Variants in SPRYD4 observed in about 807,000 individuals in gnomAD.
The protein encoded by SPRYD4 is SPRY domain-containing protein 4.
Under a neutral mutation model 16.6 loss-of-function variants are expected in SPRYD4, and 12 were observed. The observed-to-expected ratio is 0.72, with a 90% CI of 0.46 to 1.17. The LOEUF is 1.17. SPRYD4 is among the 50% of genes most tolerant of loss of function. The probability of loss-of-function intolerance (pLI) is 0.00; values close to 1 mark genes in which losing one functional copy is unlikely to be tolerated. For missense variants in SPRYD4, 260 were observed against 260.2 expected, an observed-to-expected ratio of 1.00 and a Z score of 0.00; for synonymous variants, 98 against 105.4, an observed-to-expected ratio of 0.93 and a Z score of 0.43.
chr12:56,471,499 T>C lies in SPRYD4; in HGVS notation c.*1922T>C, dbSNP rs1869253317. On this transcript the variant is annotated 3_prime_UTR_variant, in exon 2 of 2. Coordinates refer to ENST00000338146, the MANE Select transcript of SPRYD4 (RefSeq NM_207344.4). ...CCATGACCTGTGCTCATACCATGCT[T>C]TCTAAGTTCTCTTTGGACAGGGCCT... 2 of 1,613,370 alleles carry C rather than the reference T, an allele frequency of 1.2e-6. No homozygotes were observed. Among genetic ancestry groups the C allele is most frequent in the Non-Finnish European group, 1.7e-6 (2 of 1,179,594 alleles).
At position 56,476,237 on chromosome 12, in the gene SPRYD4, A is replaced by G. The variant is rs1245876869; in HGVS notation, c.*6660A>G. 17 of 443,428 alleles carry G rather than the reference A, an allele frequency of 3.8e-5. No homozygotes were observed. The highest frequency in any genetic ancestry group is 2.9e-5 in the Non-Finnish European group (7 of 243,720). The allele number at this position is 443,428 out of a possible 1,614,324, so 27.5% of individuals were successfully genotyped here. ...GAGTGCAGTGGCACGATCATGGCTC[A>G]CTGCAGCTTTGACCTCCCAGGCTCA... is the stretch of plus-strand genomic sequence containing the variant. On this transcript the variant is annotated 3_prime_UTR_variant, in exon 2 of 2. Coordinates refer to ENST00000338146, the MANE Select transcript of SPRYD4 (RefSeq NM_207344.4).
rs1469707812 is a variant in SPRYD4, at chr12:56,478,669, A to G, written c.*9092A>G. The G allele has an allele frequency of 7.7e-6, 2 of 260,930 alleles. No individual in the cohort carries two copies. Among genetic ancestry groups the G allele is most frequent in the African/African-American group, 2.2e-5 (1 of 44,466 alleles). The allele number at this position is 260,930 out of a possible 1,614,324, so 16.2% of individuals were successfully genotyped here. Reference sequence around the variant, plus strand: ...AAGTTCTGCTTCTCATCTCTCATTCATAGGACTCCCAGCCCCAGGAAATCT... The same window carrying G: ...AAGTTCTGCTTCTCATCTCTCATTCGTAGGACTCCCAGCCCCAGGAAATCT... On this transcript the variant is annotated 3_prime_UTR_variant, in exon 2 of 2. Coordinates refer to ENST00000338146, the MANE Select transcript of SPRYD4 (RefSeq NM_207344.4).
rs887088224 is a variant in SPRYD4 at position 56,477,877 on chromosome 12, G to A, written c.*8300G>A. ...AACAAAAAAGGCTGGGAGATGGGGT[G>A]GGGATAAGGAGAAGGGGACAGCTGT... On this transcript the variant is annotated 3_prime_UTR_variant, in exon 2 of 2. Coordinates refer to ENST00000338146, the MANE Select transcript of SPRYD4 (RefSeq NM_207344.4). 3.8e-6 allele frequency: 6 copies of A among 1,572,964 alleles called. No homozygotes were observed. In the African/African-American group the frequency reaches 4.1e-5, roughly 11 times the overall value.
At position 56,473,643 on chromosome 12, in the gene SPRYD4, A is replaced by G; in HGVS notation, c.*4066A>G. Reference sequence around the variant, plus strand: ...GGATAAAGTGGGTGTGCCCCAAATCAGAAAATAAACAAGTTAGGCTGTACT... The same window carrying G: ...GGATAAAGTGGGTGTGCCCCAAATCGGAAAATAAACAAGTTAGGCTGTACT... On this transcript the variant is annotated 3_prime_UTR_variant, in exon 2 of 2. Coordinates refer to ENST00000338146, the MANE Select transcript of SPRYD4 (RefSeq NM_207344.4). The G allele has an allele frequency of 6.4e-7, 1 of 1,569,386 alleles. No homozygotes were observed. Among genetic ancestry groups the G allele is most frequent in the Non-Finnish European group, 8.7e-7 (1 of 1,155,496 alleles).
chr12:56,475,768 A>G lies in SPRYD4; in HGVS notation c.*6191A>G. The G allele has an allele frequency of 6.7e-7, 1 of 1,489,070 alleles. No individual in the cohort carries two copies. Among genetic ancestry groups the G allele is most frequent in the Non-Finnish European group, 9.3e-7 (1 of 1,072,244 alleles). The allele number at this position is 1,489,070 out of a possible 1,614,324, so 92.2% of individuals were successfully genotyped here. A position where few individuals can be genotyped will look rare whatever the true frequency, so the allele number is the denominator to read the frequency against. ...CAGGTTGACTAGCCCTTCTGAACTC[A>G]GGTCTTGTCAAGAGGCTTTCCTCTC... On this transcript the variant is annotated 3_prime_UTR_variant, in exon 2 of 2. Coordinates refer to ENST00000338146, the MANE Select transcript of SPRYD4 (RefSeq NM_207344.4).
Position 56,469,367 on chromosome 12 carries a change from G to A in SPRYD4, c.414G>A (p.Glu138=). 1 of 1,614,202 alleles carries A rather than the reference G, an allele frequency of 6.2e-7. No homozygotes were observed. The highest frequency in any genetic ancestry group is 8.5e-7 in the Non-Finnish European group (1 of 1,180,048). ...AGTGGTACACCATGTTGGCCAACGAGAAAGCCCCAGTTGAGGGTATTGGGC... is the reference window on the plus strand; with the variant it reads ...AGTGGTACACCATGTTGGCCAACGAAAAAGCCCCAGTTGAGGGTATTGGGC... The part of the protein sequence containing the change: ...QRKWYTMLAN[E]KAPVEGIGQP... The change falls in exon 2 of 2, where the codon GAG becomes GAA. Residue 138 remains glutamate (E), a synonymous_variant. Coordinates refer to ENST00000338146, the MANE Select transcript of SPRYD4 (RefSeq NM_207344.4).
chr12:56,469,620 T>G lies in SPRYD4; in HGVS notation c.*43T>G, dbSNP rs1210883547. 4.5e-6 allele frequency: 7 copies of G among 1,557,456 alleles called. No individual in the cohort carries two copies. Among genetic ancestry groups the G allele is most frequent in the Non-Finnish European group, 5.2e-6 (6 of 1,151,360 alleles). On this transcript the variant is annotated 3_prime_UTR_variant, in exon 2 of 2. Transcript: ENST00000338146. ...TCCCTAATCACGCCTTTGGCCAGCC[T>G]CCTTTTGAAAGTGTCCGAAGCCTTT...
In SPRYD4 at chr12:56,469,889, G is replaced by A. The variant is rs539672025; in HGVS notation, c.*312G>A. ...CTTTCTCAGACTGTATTCCATCCTGGGGTCTTATCATTCAGCTTTGTTTGA... is the reference window on the plus strand; with the variant it reads ...CTTTCTCAGACTGTATTCCATCCTGAGGTCTTATCATTCAGCTTTGTTTGA... On this transcript the variant is annotated 3_prime_UTR_variant, in exon 2 of 2. Transcript: ENST00000338146. The A allele has an allele frequency of 2.9e-6, 1 of 348,166 alleles. No homozygotes were observed. Among genetic ancestry groups the A allele is most frequent in the East Asian group, 5.1e-5 (1 of 19,746 alleles). 21.6% of individuals were successfully genotyped at this position (348,166 alleles called of 1,614,324 possible).
In SPRYD4 at chr12:56,474,884, C is replaced by A; in HGVS notation, c.*5307C>A. The A allele has an allele frequency of 2.5e-6, 4 of 1,614,142 alleles. No homozygotes were observed. Among genetic ancestry groups the A allele is most frequent in the Non-Finnish European group, 3.4e-6 (4 of 1,180,018 alleles). On this transcript the variant is annotated 3_prime_UTR_variant, in exon 2 of 2. Transcript: ENST00000338146. Reference sequence around the variant, plus strand: ...TCAAGGGCAGCCATCATGTCCACCCCCTTAGGAAAGCACTGCAAGGAAGAG... The same window carrying A: ...TCAAGGGCAGCCATCATGTCCACCCACTTAGGAAAGCACTGCAAGGAAGAG...
At position 56,468,865 on chromosome 12, in the gene SPRYD4, T is replaced by G. The variant is rs116824150; in HGVS notation, c.86-174T>G. 1.9e-3 allele frequency: 2,025 copies of G among 1,040,764 alleles called. 29 individuals are homozygous for G. In the African/African-American group the frequency reaches 0.03, roughly 15 times the overall value. The allele number at this position is 1,040,764 out of a possible 1,614,324, so 64.5% of individuals were successfully genotyped here. The stretch of plus-strand genomic sequence containing the variant: ...CCGGGACTTACTCAATCCGAGTTTT[T>G]CAGCTCCGTGAGCTATCCGTAGTAA... On this transcript the variant is annotated intron_variant, in intron 1 of 1. Coordinates refer to ENST00000338146, the MANE Select transcript of SPRYD4 (RefSeq NM_207344.4).
rs749055013 is a variant in SPRYD4 at position 56,478,183 on chromosome 12, C to A, written c.*8606C>A. The A allele has an allele frequency of 1.9e-6, 3 of 1,614,184 alleles. No individual in the cohort carries two copies. The highest frequency in any genetic ancestry group is 2.5e-6 in the Non-Finnish European group (3 of 1,180,026). ...CCCTTCCTCTTGCCCAGCATCTCAC[C>A]GTTGACCATCCACAGTGCACAGGGA... On this transcript the variant is annotated 3_prime_UTR_variant, in exon 2 of 2. Coordinates refer to ENST00000338146, the MANE Select transcript of SPRYD4 (RefSeq NM_207344.4).
Position 56,469,734 on chromosome 12 carries a change from TG to T in SPRYD4, c.*158del. 1 of 761,862 alleles carries T rather than the reference TG, an allele frequency of 1.3e-6. No homozygotes were observed. The highest frequency in any genetic ancestry group is 2.1e-6 in the Non-Finnish European group (1 of 486,786). The allele number at this position is 761,862 out of a possible 1,614,324, so 47.2% of individuals were successfully genotyped here. ...TGATCATCTTCCTCATCCCCTACCT[TG>T]TGAAAGCTAGGCATACAGCCAAACC... is the stretch of plus-strand genomic sequence containing the variant. On this transcript the variant is annotated 3_prime_UTR_variant, in exon 2 of 2. Coordinates refer to ENST00000338146, the MANE Select transcript of SPRYD4 (RefSeq NM_207344.4).
At position 56,471,846 on chromosome 12, in the gene SPRYD4, T is replaced by C. The variant is rs367695348; in HGVS notation, c.*2269T>C. The stretch of plus-strand genomic sequence containing the variant: ...ACAACTTCGATGTGTCCTAGGAATA[T>C]GGGCAGAAGGAAAATGAGAAGGCGC... On this transcript the variant is annotated 3_prime_UTR_variant, in exon 2 of 2. Coordinates refer to ENST00000338146, the MANE Select transcript of SPRYD4 (RefSeq NM_207344.4). 2.9e-5 allele frequency: 46 copies of C among 1,613,526 alleles called. No individual in the cohort carries two copies. Among genetic ancestry groups the C allele is most frequent in the Non-Finnish European group, 3.6e-5 (42 of 1,179,890 alleles).
chr12:56,474,579 C>T lies in SPRYD4; in HGVS notation c.*5002C>T, dbSNP rs752169894. On this transcript the variant is annotated 3_prime_UTR_variant, in exon 2 of 2. Coordinates refer to ENST00000338146, the MANE Select transcript of SPRYD4 (RefSeq NM_207344.4). ...AACTGGCCAGAGAAGTCATACATGCCGCAGGAATGCATGAGGCTGAGGGTG... is the reference window on the plus strand; with the variant it reads ...AACTGGCCAGAGAAGTCATACATGCTGCAGGAATGCATGAGGCTGAGGGTG... The T allele has an allele frequency of 1.1e-5, 17 of 1,614,010 alleles. No individual in the cohort carries two copies. The highest frequency in any genetic ancestry group is 5.5e-5 in the South Asian group (5 of 91,090).
At position 56,469,664 on chromosome 12, in the gene SPRYD4, C is replaced by G; in HGVS notation, c.*87C>G. 1.6e-6 allele frequency: 2 copies of G among 1,271,140 alleles called. No individual in the cohort carries two copies. Among genetic ancestry groups the G allele is most frequent in the Non-Finnish European group, 2.1e-6 (2 of 935,538 alleles). The allele number at this position is 1,271,140 out of a possible 1,614,324, so 78.7% of individuals were successfully genotyped here. On this transcript the variant is annotated 3_prime_UTR_variant, in exon 2 of 2. Transcript: ENST00000338146. ...AGCCTTTTTACTTTGCCTCAAGCAA[C>G]CTCTAGCTCCCACAATTCAGTGTTG...
Position 56,479,345 on chromosome 12 carries a change from C to A in SPRYD4, c.*9768C>A. The A allele has an allele frequency of 2.6e-6, 2 of 768,718 alleles. No individual in the cohort carries two copies. Among genetic ancestry groups the A allele is most frequent in the South Asian group, 4.8e-5 (2 of 41,984 alleles). The allele number at this position is 768,718 out of a possible 1,614,324, so 47.6% of individuals were successfully genotyped here. ...AGTTTACCTTTCTAGGTCTTAGTTT[C>A]CGTACCTCTAAAATGAGGGGTTTTA... On this transcript the variant is annotated 3_prime_UTR_variant, in exon 2 of 2. Transcript: ENST00000338146.
In SPRYD4 at chr12:56,469,561, T is replaced by C; in HGVS notation, c.608T>C (p.Val203Ala). The stretch of plus-strand genomic sequence containing the variant: ...CTGCTGACCCATTCAGGGCTTGAGG[T>C]GCCCGAGGGCCTCTAGTATGTCCAT... The part of the protein sequence containing the change: ...GELLTHSGLE[V>A]PEGL Residue 203 changes from valine (V) to alanine (A), a missense_variant, in exon 2 of 2, where the codon GTG becomes GCG. Val to Ala is a moderately conservative substitution (Grantham distance 64). Coordinates refer to ENST00000338146, the MANE Select transcript of SPRYD4 (RefSeq NM_207344.4). 6.2e-7 allele frequency: 1 copy of C among 1,613,490 alleles called. No individual in the cohort carries two copies. The highest frequency in any genetic ancestry group is 2.2e-5 in the East Asian group (1 of 44,868).
Position 56,470,404 on chromosome 12 carries a change from A to C in SPRYD4, c.*827A>C, listed in dbSNP as rs1869182510. 1 of 152,294 alleles carries C rather than the reference A, an allele frequency of 6.6e-6. No homozygotes were observed. The highest frequency in any genetic ancestry group is 2.4e-5 in the African/African-American group (1 of 41,452). 9.4% of individuals were successfully genotyped at this position (152,294 alleles called of 1,614,324 possible). On this transcript the variant is annotated 3_prime_UTR_variant, in exon 2 of 2. Transcript: ENST00000338146. ...CAGTGGCATGATCTTGGCTCACTGC[A>C]AACTCTGCCTTTTGGGTTCAAGCGA... is the stretch of plus-strand genomic sequence containing the variant.
In SPRYD4 at chr12:56,478,889, C is replaced by T. The variant is rs1406113086; in HGVS notation, c.*9312C>T. On this transcript the variant is annotated 3_prime_UTR_variant, in exon 2 of 2. Transcript: ENST00000338146. ...ATGCCAGCTACTCGGGAGGCTGAGA[C>T]AGGAGAATCGCTTGAACCTGGGAGG... is the stretch of plus-strand genomic sequence containing the variant. The T allele has an allele frequency of 2.5e-6, 2 of 815,198 alleles. No individual in the cohort carries two copies. Among genetic ancestry groups the T allele is most frequent in the African/African-American group, 1.7e-5 (1 of 57,186 alleles). 50.5% of individuals were successfully genotyped at this position (815,198 alleles called of 1,614,324 possible). A position where few individuals can be genotyped will look rare whatever the true frequency, so the allele number is the denominator to read the frequency against.
Sources: gnomAD v4.1 joint callset for allele counts on GRCh38, gnomAD v4.1.1 for gene constraint, MANE v1.5 for transcripts, NCBI Gene and HGNC (gene_info 2026-07-23, HGNC 2026-07-21) for gene names.